Variants in KCNK13 observed in about 807,000 individuals in gnomAD.
KCNK13 encodes potassium two pore domain channel subfamily K member 13.
KCNK13 carries 12 observed loss-of-function variants against 23.4 expected under a neutral mutation model. The ratio of observed to expected loss-of-function variants is 0.51; its 90% confidence interval spans 0.33 to 0.83. The LOEUF is 0.83. Among genes scored for constraint, KCNK13 ranks in the 40% least tolerant of loss-of-function variants. KCNK13 has a pLI of 0.02. For synonymous variants in KCNK13, 231 were observed against 229.5 expected (o/e 1.01, Z -0.06); for missense variants, 463 against 556.3 (o/e 0.83, Z 1.69).
At chr14:90,112,053 C>G (rs1889621532) in intron 1 of KCNK13, among the ~76,000 whole-genome samples, 1 of 152,222 alleles carries the variant, frequency 6.6e-6, no homozygotes, top group African/African-American at 2.4e-5. Context: ...GACGTCTTCT[C>G]TTAGATCAAG....
At chr14:90,090,363 C>A (rs1012133343) in intron 1 of KCNK13, among the ~76,000 whole-genome samples, 1 of 152,196 alleles carries the variant, frequency 6.6e-6, no homozygotes, top group African/African-American at 2.4e-5. Flanking sequence ...TTGCATGGGG[C>A]CTGTAACCCC....
intron 1 of KCNK13, among the ~76,000 whole-genome samples, chr14:90,170,467 G>A (rs1890352336): frequency 1.3e-5 from 2 of 152,292 alleles, no homozygotes; most frequent in Non-Finnish European, 2.9e-5. Context: ...ACCCGTCTCA[G>A]CCTCCCGACG....
intron 1 of KCNK13, among the ~76,000 whole-genome samples, chr14:90,138,046 A>G (rs999264171): frequency 6.6e-6 from 1 of 152,170 alleles, no homozygotes; most frequent in Admixed American, 6.5e-5. Context: ...TTCCCTGCTT[A>G]TTAGTACCCA....
chr14:90,156,348 A>G (rs1450506401), intron 1 of KCNK13, among the ~76,000 whole-genome samples: 1 of 152,238 alleles, frequency 6.6e-6, no homozygotes, highest in Non-Finnish European at 1.5e-5. Flanking sequence ...CTTAAAAGAC[A>G]GAAATATGAA....
intron 1 of KCNK13, among the ~76,000 whole-genome samples, chr14:90,156,096 TG>T (rs1890190697): frequency 6.7e-6 from 1 of 149,314 alleles, no homozygotes; most frequent in Admixed American, 6.8e-5. Flanking sequence ...CACAGCTACT[TG>T]GGGGGCTTGA....
intron 1 of KCNK13, among the ~76,000 whole-genome samples, chr14:90,111,976 C>T (rs943472911): frequency 2.4e-4 from 37 of 152,138 alleles, no homozygotes; most frequent in African/African-American, 7.2e-4. Flanking sequence ...CTAGGCTAGT[C>T]GTTCAGCAGA....
intron 1 of KCNK13, among the ~76,000 whole-genome samples, chr14:90,133,372 G>C (rs1329816494): frequency 6.6e-6 from 1 of 152,074 alleles, no homozygotes; most frequent in Admixed American, 6.6e-5. Context: ...GTTGCCTATG[G>C]GATGGGAGTT....
At chr14:90,121,131 C>T (rs751702901) in intron 1 of KCNK13, among the ~76,000 whole-genome samples, 22 of 152,148 alleles carry the variant, frequency 1.4e-4, no homozygotes, top group Non-Finnish European at 2.5e-4. Context: ...AACCAGCTAA[C>T]GTCTAGGTTT....
chr14:90,103,940 A>T (rs1014796985), intron 1 of KCNK13, among the ~76,000 whole-genome samples: 1 of 152,110 alleles, frequency 6.6e-6, no homozygotes, highest in Non-Finnish European at 1.5e-5. Flanking sequence ...CTACCTCTAA[A>T]GACTTTGCCC....
intron 1 of KCNK13, among the ~76,000 whole-genome samples, chr14:90,069,186 G>A (rs1889045655): frequency 6.6e-6 from 1 of 151,696 alleles, no homozygotes; most frequent in African/African-American, 2.4e-5. Context: ...ACAGGTGCCT[G>A]CCACCACACC....
intron 1 of KCNK13, among the ~76,000 whole-genome samples, chr14:90,073,416 A>G (rs550972937): frequency 3.1e-4 from 47 of 152,230 alleles, no homozygotes; most frequent in Middle Eastern, 6.8e-3. Context: ...TTCATCTCCA[A>G]TTCAGACATA....
At chr14:90,122,711 A>G (rs1335353370) in intron 1 of KCNK13, among the ~76,000 whole-genome samples, 1 of 144,120 alleles carries the variant, frequency 6.9e-6, no homozygotes. Context: ...AATGAACATG[A>G]AAAAAAAGGG....
At chr14:90,127,278 T>C (rs1473371878) in intron 1 of KCNK13, among the ~76,000 whole-genome samples, 2 of 152,244 alleles carry the variant, frequency 1.3e-5, no homozygotes, top group Non-Finnish European at 2.9e-5. Flanking sequence ...CACCTTAAAA[T>C]GTTTTCTCCA....
At chr14:90,084,812 T>C (rs932340987) in intron 1 of KCNK13, among the ~76,000 whole-genome samples, 1 of 152,250 alleles carries the variant, frequency 6.6e-6, no homozygotes, top group Non-Finnish European at 1.5e-5. Flanking sequence ...GTGTGTTGAA[T>C]GTTTTTATCA....
intron 1 of KCNK13, among the ~76,000 whole-genome samples, chr14:90,157,842 A>G (rs954244718): frequency 7.3e-5 from 11 of 151,352 alleles, no homozygotes; most frequent in Admixed American, 5.9e-4. Context: ...CTGGGACTAC[A>G]GGCATGTGCC....
chr14:90,099,552 C>T (rs576867913), intron 1 of KCNK13, among the ~76,000 whole-genome samples: 22 of 152,210 alleles, frequency 1.4e-4, no homozygotes, highest in African/African-American at 5.3e-4. Context: ...GTTTCTGGCT[C>T]AACAATTGGC....
chr14:90,129,269 G>C (rs1889839166), intron 1 of KCNK13, among the ~76,000 whole-genome samples: 1 of 152,062 alleles, frequency 6.6e-6, no homozygotes, highest in African/African-American at 2.4e-5. Flanking sequence ...GGGGGCACTG[G>C]GGCTTTTTTC....
chr14:90,122,575 C>T (rs556578521), intron 1 of KCNK13, among the ~76,000 whole-genome samples: 1 of 152,146 alleles, frequency 6.6e-6, no homozygotes, highest in Admixed American at 6.5e-5. Context: ...AACTCCTGAC[C>T]TCAGTTCACC....
chr14:90,173,250 G>C, intron 1 of KCNK13, among the ~76,000 whole-genome samples: 1 of 152,156 alleles, frequency 6.6e-6, no homozygotes. Context: ...CCAGCTACTT[G>C]GGAGGCTGAG....
Sources: gnomAD v4.1 joint callset for allele counts (sites outside exome capture counted in the v4.1 genomes callset) on GRCh38, gnomAD v4.1.1 for gene constraint, MANE v1.5 for transcripts, NCBI Gene and HGNC (gene_info 2026-07-23, HGNC 2026-07-21) for gene names.